Variants in CSMD3 observed in about 807,000 individuals in gnomAD.
The protein encoded by CSMD3 is CUB and sushi domain-containing protein 3.
Under a neutral mutation model 435.2 loss-of-function variants are expected in CSMD3, and 177 were observed. That is an observed-to-expected ratio of 0.41 (90% CI 0.36 to 0.46). The LOEUF is 0.46. Among genes scored for constraint, CSMD3 ranks in the 20% least tolerant of loss-of-function variants. CSMD3 has a pLI of 0.34. For missense variants in CSMD3, 4,265 were observed against 4,504.6 expected (o/e 0.95, Z 1.52); for synonymous variants, 1,656 against 1,520.5 (o/e 1.09, Z -2.07).
chr8:112,238,322 A>G (rs565611716), intron 66 of CSMD3, among the ~76,000 whole-genome samples: 1 of 152,056 alleles, frequency 6.6e-6, no homozygotes, highest in East Asian at 1.9e-4. Context: ...TGATATATGC[A>G]TGTATCACAC....
intron 13 of CSMD3, among the ~76,000 whole-genome samples, chr8:112,730,212 T>C (rs919126509): frequency 2.0e-5 from 3 of 152,058 alleles, no homozygotes; most frequent in African/African-American, 7.2e-5. Context: ...TGATAAATAT[T>C]ATTTTTAAAA....
chr8:112,878,805 G>T (rs1254948766), intron 10 of CSMD3, among the ~76,000 whole-genome samples: 1 of 152,136 alleles, frequency 6.6e-6, no homozygotes, highest in Non-Finnish European at 1.5e-5. Context: ...GGAGGGACCT[G>T]CTGAAGGCAT....
chr8:112,843,812 C>T (rs978182317), intron 11 of CSMD3, among the ~76,000 whole-genome samples: 1 of 151,930 alleles, frequency 6.6e-6, no homozygotes, highest in Non-Finnish European at 1.5e-5. Flanking sequence ...GTGCTGACAA[C>T]TTAGTTTTAT....
intron 52 of CSMD3, 36 bp downstream of exon 52, chr8:112,304,685 A>C (rs574497269): frequency 1.3e-6 from 2 of 1,482,816 alleles, no homozygotes; most frequent in South Asian, 1.1e-5. Flanking sequence ...AACCAAACAT[A>C]GCTTATGAAA....
At position 112,382,291 on chromosome 8, in the gene CSMD3, C is replaced by CAAAAAAAAA. The variant is rs11384093; in HGVS notation, c.6031+1267_6031+1275dup. Among the ~76,000 whole-genome samples, 54 of 116,762 alleles carry CAAAAAAAAA rather than the reference C, an allele frequency of 4.6e-4. 1 individual carries two copies. Among genetic ancestry groups the CAAAAAAAAA allele is most frequent in the African/African-American group, 1.4e-3 (41 of 30,228 alleles). 76.6% of individuals were successfully genotyped at this position (116,762 alleles called of 152,430 possible). A position where few individuals can be genotyped will look rare whatever the true frequency, so the allele number is the denominator to read the frequency against. ...AGAGCCAGACCCTGTCTCTAAAATG[C>CAAAAAAAAA]AAAAAAAAAAAAAAAATTAATAATA... On this transcript the variant is annotated intron_variant, in intron 37 of 70. Transcript: ENST00000297405.
chr8:112,335,027 C>A (rs10505178), intron 45 of CSMD3, among the ~76,000 whole-genome samples: 29,127 of 152,096 alleles, frequency 0.19, 3,201 homozygotes, highest in Middle Eastern at 0.34. Context: ...ATTACATGCA[C>A]TAGAGTATGA....
intron 64 of CSMD3, 75 bp downstream of exon 64, chr8:112,246,945 A>G: frequency 1.0e-6 from 1 of 990,334 alleles, no homozygotes; most frequent in Non-Finnish European, 1.6e-6. Context: ...ATGTAAATGT[A>G]TTTGAATACT....
chr8:112,341,414 T>C lies in CSMD3; in HGVS notation c.6652+63A>G, dbSNP rs1438840067. The stretch of plus-strand genomic sequence containing the variant: ...GAATACAGAAAATAATTAGACTCAG[T>C]TAAATATTTCTAATAGCTGATTTGG... On this transcript the variant is annotated intron_variant, in intron 42 of 70. Coordinates refer to ENST00000297405, the MANE Select transcript of CSMD3 (RefSeq NM_198123.2). 4.5e-6 allele frequency: 5 copies of C among 1,101,620 alleles called. No individual in the cohort carries two copies. The South Asian group carries it at 5.2e-5, about 11-fold the overall frequency. The allele number at this position is 1,101,620 out of a possible 1,614,324, so 68.2% of individuals were successfully genotyped here.
intron 27 of CSMD3, among the ~76,000 whole-genome samples, chr8:112,534,929 C>T (rs531875682): frequency 1.1e-4 from 16 of 152,218 alleles, no homozygotes; most frequent in African/African-American, 3.9e-4. Flanking sequence ...AAGAAAAAAA[C>T]CACATGATTA....
intron 18 of CSMD3, among the ~76,000 whole-genome samples, chr8:112,651,672 G>A (rs892209409): frequency 6.6e-6 from 1 of 151,830 alleles, no homozygotes; most frequent in Non-Finnish European, 1.5e-5. Context: ...CGAGTAGCTG[G>A]GACTACAGGC....
chr8:113,123,760 T>C (rs958373408), intron 4 of CSMD3, among the ~76,000 whole-genome samples: 3 of 151,948 alleles, frequency 2.0e-5, no homozygotes, highest in Admixed American at 1.3e-4. Context: ...AGAGAGTGCA[T>C]TATTCATAAG....
intron 1 of CSMD3, among the ~76,000 whole-genome samples, chr8:113,325,422 T>G (rs1049534263): frequency 6.6e-6 from 1 of 152,150 alleles, no homozygotes; most frequent in Non-Finnish European, 1.5e-5. Flanking sequence ...CTGCATAAAC[T>G]CTCTTCTCTT....
chr8:112,686,803 T>A (rs1401494061), intron 14 of CSMD3, among the ~76,000 whole-genome samples: 2 of 152,082 alleles, frequency 1.3e-5, no homozygotes, highest in Non-Finnish European at 2.9e-5. Context: ...ACATATTTTT[T>A]AAAAAATTGA....
At chr8:113,095,457 T>C (rs2090135293) in intron 5 of CSMD3, among the ~76,000 whole-genome samples, 1 of 152,158 alleles carries the variant, frequency 6.6e-6, no homozygotes, top group Admixed American at 6.5e-5. Context: ...ACAAAATTAC[T>C]TTCATCGGAG....
intron 30 of CSMD3, 28 bp from the exon 31 acceptor site, chr8:112,492,711 AT>A (rs1563612087): frequency 6.3e-7 from 1 of 1,584,932 alleles, no homozygotes; most frequent in Admixed American, 1.7e-5. Flanking sequence ...TATAACATTA[AT>A]TGCTTTAAAA....
chr8:112,598,714 G>A (rs1339721222), intron 22 of CSMD3, among the ~76,000 whole-genome samples: 33 of 150,124 alleles, frequency 2.2e-4, no homozygotes, highest in Middle Eastern at 3.4e-3. Context: ...AAATAATGCC[G>A]CATATCTACA....
Position 112,506,131 on chromosome 8 carries a change from A to G in CSMD3, c.4895+560T>C, listed in dbSNP as rs1317869021. Among the ~76,000 whole-genome samples, 3 of 152,136 alleles carry G rather than the reference A, an allele frequency of 2.0e-5. 1 individual carries two copies. Among genetic ancestry groups the G allele is most frequent in the Admixed American group, 1.3e-4 (2 of 15,262 alleles). Reference sequence around the variant, plus strand: ...GTTGCTTTGGTATTACTAATTAGCAATGTACCACTACAAATCACAAAAATA... The same window carrying G: ...GTTGCTTTGGTATTACTAATTAGCAGTGTACCACTACAAATCACAAAAATA... On this transcript the variant is annotated intron_variant, in intron 29 of 70. Transcript: ENST00000297405.
intron 6 of CSMD3, among the ~76,000 whole-genome samples, chr8:113,005,782 TAAAC>T (rs1334656398): frequency 1.3e-5 from 2 of 152,018 alleles, no homozygotes; most frequent in East Asian, 3.9e-4. Flanking sequence ...TAAAAAATAA[TAAAC>T]AAATTTGAAG....
chr8:112,658,109 A>T (rs751034913), intron 17 of CSMD3, among the ~76,000 whole-genome samples: 31 of 152,198 alleles, frequency 2.0e-4, no homozygotes, highest in Non-Finnish European at 2.5e-4. Flanking sequence ...CTTTAGTATT[A>T]ACCATGTATT....
Sources: gnomAD v4.1 joint callset for allele counts (sites outside exome capture counted in the v4.1 genomes callset) on GRCh38, gnomAD v4.1.1 for gene constraint, MANE v1.5 for transcripts, NCBI Gene and HGNC (gene_info 2026-07-23, HGNC 2026-07-21) for gene names.